CNNM2: variants seen among roughly 807,000 people sequenced by gnomAD.
The protein encoded by CNNM2 is metal transporter CNNM2.
CNNM2 carries 12 observed loss-of-function variants against 66.9 expected under a neutral mutation model. The ratio of observed to expected loss-of-function variants is 0.18; its 90% CI spans 0.11 to 0.29. The LOEUF (loss-of-function observed/expected upper bound fraction) is 0.29, where lower values mean the gene tolerates loss of function less well. CNNM2 is among the 10% of genes least tolerant of loss of function. The pLI is 1.00. For synonymous variants in CNNM2, 557 were observed against 501.8 expected (o/e 1.11, Z -1.47); for missense variants, 705 against 1,167.7 (o/e 0.60, Z 5.77).
chr10:102,965,492 A>G (rs540171503), intron 1 of CNNM2, among the ~76,000 whole-genome samples: 6 of 152,332 alleles, frequency 3.9e-5, no homozygotes, highest in African/African-American at 1.2e-4. Flanking sequence ...GACTATCTCA[A>G]TAGTTAATAC....
intron 1 of CNNM2, chr10:102,927,407 C>A (rs766485732): frequency 2.4e-5 from 38 of 1,613,352 alleles, no homozygotes; most frequent in Non-Finnish European, 3.1e-5. Flanking sequence ...AAGAAGCATT[C>A]TTTCTTTCAA....
At chr10:102,923,910 G>A (rs1845751162) in intron 1 of CNNM2, among the ~76,000 whole-genome samples, 2 of 152,118 alleles carry the variant, frequency 1.3e-5, no homozygotes, top group African/African-American at 4.8e-5. Context: ...TGTTGCAAGG[G>A]TCACATAGTA....
At chr10:102,970,078 T>C (rs2063526335) in intron 1 of CNNM2, among the ~76,000 whole-genome samples, 1 of 152,278 alleles carries the variant, frequency 6.6e-6, no homozygotes, top group African/African-American at 2.4e-5. Context: ...TCCTCTGATA[T>C]AAACTACCTG....
intron 1 of CNNM2, among the ~76,000 whole-genome samples, chr10:103,017,708 G>A (rs1297498214): frequency 6.6e-6 from 1 of 152,172 alleles, no homozygotes; most frequent in East Asian, 1.9e-4. Flanking sequence ...ACTCACACCT[G>A]TAATCCCAGC....
At chr10:102,965,734 T>C (rs187671867) in intron 1 of CNNM2, among the ~76,000 whole-genome samples, 1 of 152,338 alleles carries the variant, frequency 6.6e-6, no homozygotes, top group African/African-American at 2.4e-5. Context: ...ATTGTGATTT[T>C]AAAAATAAAT....
chr10:103,018,664 A>C (rs536202001), intron 1 of CNNM2, among the ~76,000 whole-genome samples: 22 of 150,902 alleles, frequency 1.5e-4, no homozygotes, highest in Non-Finnish European at 3.0e-4. Flanking sequence ...TGGTGGAAGC[A>C]AGGTAAATAT....
At chr10:103,023,591 C>G (rs1199789262) in intron 1 of CNNM2, among the ~76,000 whole-genome samples, 1 of 152,126 alleles carries the variant, frequency 6.6e-6, no homozygotes, top group Non-Finnish European at 1.5e-5. Context: ...CCAACACCAA[C>G]TGAATAGCAC....
chr10:102,965,107 A>G (rs2063442276), intron 1 of CNNM2, among the ~76,000 whole-genome samples: 1 of 152,208 alleles, frequency 6.6e-6, no homozygotes, highest in Non-Finnish European at 1.5e-5. Flanking sequence ...AGCCTCCAGA[A>G]CTGTGAGAAA....
At chr10:102,981,565 A>G (rs1204422671) in intron 1 of CNNM2, among the ~76,000 whole-genome samples, 1 of 143,394 alleles carries the variant, frequency 7.0e-6, no homozygotes, top group Non-Finnish European at 1.5e-5. Context: ...TAACTTTGGT[A>G]TTTTTTTTTT....
intron 1 of CNNM2, among the ~76,000 whole-genome samples, chr10:102,946,762 C>T (rs550087314): frequency 2.4e-3 from 361 of 152,214 alleles, no homozygotes; most frequent in African/African-American, 7.5e-3. Context: ...GATTTGCAAC[C>T]GGGATAGAAC....
At chr10:103,032,434 G>A (rs113936805) in intron 1 of CNNM2, among the ~76,000 whole-genome samples, 4 of 152,126 alleles carry the variant, frequency 2.6e-5, no homozygotes, top group African/African-American at 9.7e-5. Context: ...CTGGGGGACA[G>A]AGTGAGACTC....
chr10:103,034,312 T>C (rs980842669), intron 1 of CNNM2, among the ~76,000 whole-genome samples: 43 of 139,764 alleles, frequency 3.1e-4, no homozygotes, highest in Middle Eastern at 7.5e-3. Context: ...GGTCTGTCTT[T>C]CTTGTTTTTT....
At chr10:103,040,525 T>C (rs1456649829) in intron 1 of CNNM2, among the ~76,000 whole-genome samples, 1 of 152,042 alleles carries the variant, frequency 6.6e-6, no homozygotes, top group Non-Finnish European at 1.5e-5. Context: ...AATGCTGTGG[T>C]TATGTTATGG....
At chr10:102,996,029 C>G (rs1409980294) in intron 1 of CNNM2, among the ~76,000 whole-genome samples, 1 of 152,072 alleles carries the variant, frequency 6.6e-6, no homozygotes, top group Non-Finnish European at 1.5e-5. Context: ...AGGAATTGGT[C>G]CATTTTATCA....
intron 1 of CNNM2, among the ~76,000 whole-genome samples, chr10:102,925,312 A>T (rs1180173646): frequency 6.6e-6 from 1 of 150,726 alleles, no homozygotes; most frequent in Non-Finnish European, 1.5e-5. Context: ...AAAAAAAAAA[A>T]AAAAAAAAAA....
intron 1 of CNNM2, among the ~76,000 whole-genome samples, chr10:102,924,937 CAG>C (rs2134158513): frequency 6.6e-6 from 1 of 152,238 alleles, no homozygotes; most frequent in Admixed American, 6.5e-5. Context: ...AATACAGAAT[CAG>C]AGCTGGAAGG....
intron 1 of CNNM2, among the ~76,000 whole-genome samples, chr10:102,932,209 CTT>C (rs534213070): frequency 1.4e-5 from 2 of 144,714 alleles, no homozygotes; most frequent in Non-Finnish European, 1.5e-5. Flanking sequence ...TCTTTTTTTC[CTT>C]TTTTTTTTTA....
chr10:102,968,749 A>C (rs1231396309), intron 1 of CNNM2, among the ~76,000 whole-genome samples: 2 of 151,796 alleles, frequency 1.3e-5, no homozygotes, highest in Non-Finnish European at 2.9e-5. Flanking sequence ...GACTACATAC[A>C]GGTGCACGCC....
At chr10:103,010,732 C>T (rs946144263) in intron 1 of CNNM2, among the ~76,000 whole-genome samples, 2 of 151,996 alleles carry the variant, frequency 1.3e-5, no homozygotes, top group East Asian at 1.9e-4. Context: ...CCTGCCTCAG[C>T]GTCCGGAGTA....
Sources: gnomAD v4.1 joint callset for allele counts (sites outside exome capture counted in the v4.1 genomes callset) on GRCh38, gnomAD v4.1.1 for gene constraint, MANE v1.5 for transcripts, NCBI Gene and HGNC (gene_info 2026-07-23, HGNC 2026-07-21) for gene names.